Variants in SMAD4 observed in about 807,000 individuals in gnomAD.
SMAD4 encodes the protein MAD homolog 4.
In SMAD4, 7 loss-of-function variants were observed where a neutral mutation model predicts 63.2. That is an observed-to-expected ratio of 0.11 (90% CI 0.06 to 0.21). The LOEUF is 0.21. Among genes scored for constraint, SMAD4 ranks in the 10% least tolerant of loss-of-function variants. SMAD4 has a pLI of 1.00. For synonymous variants in SMAD4, 215 were observed against 235.4 expected (o/e 0.91, Z 0.79); for missense variants, 312 against 693.8 (o/e 0.45, Z 6.18).
intron 11 of SMAD4, 83 bp from the exon 12 acceptor site, chr18:51,078,172 TG>T: frequency 9.0e-7 from 1 of 1,115,838 alleles, no homozygotes; most frequent in Non-Finnish European, 1.4e-6. Context: ...TACAGAAAGC[TG>T]GTCACTTGAT....
At chr18:51,072,168 TAG>T (rs1910334157) in intron 10 of SMAD4, among the ~76,000 whole-genome samples, 1 of 152,240 alleles carries the variant, frequency 6.6e-6, no homozygotes, top group Non-Finnish European at 1.5e-5. Context: ...GAGAAACTGA[TAG>T]ACTGTTTTAC....
At position 51,079,895 on chromosome 18, in the gene SMAD4, CAGCTT is replaced by C. The variant is rs1910566852; in HGVS notation, c.*1429_*1433del. The C allele has an allele frequency of 4.3e-6, 1 of 231,804 alleles. No individual in the cohort carries two copies. Among genetic ancestry groups the C allele is most frequent in the South Asian group, 1.8e-4 (1 of 5,504 alleles). 14.4% of individuals were successfully genotyped at this position (231,804 alleles called of 1,614,324 possible). On this transcript the variant is annotated 3_prime_UTR_variant, in exon 12 of 12. Coordinates refer to ENST00000342988, the MANE Select transcript of SMAD4 (RefSeq NM_005359.6). ...ACAGGCAACAGCCAGTTCTATTGGG[CAGCTT>C]TGTTTTTTTCCCTCACACTCTACCG... is the stretch of plus-strand genomic sequence containing the variant.
intron 10 of SMAD4, among the ~76,000 whole-genome samples, chr18:51,067,757 G>A (rs1910204197): frequency 6.6e-6 from 1 of 152,258 alleles, no homozygotes; most frequent in South Asian, 2.1e-4. Flanking sequence ...AAAATACTGA[G>A]TGAAGCCTCC....
At chr18:51,041,662 G>A (rs185244401) in intron 1 of SMAD4, among the ~76,000 whole-genome samples, 1 of 152,188 alleles carries the variant, frequency 6.6e-6, no homozygotes, top group Non-Finnish European at 1.5e-5. Context: ...ATGAGCAGAA[G>A]TGGTAGCCTT....
Position 51,078,247 on chromosome 18 carries a change from T to C in SMAD4, c.1448-9T>C, listed in dbSNP as rs770799201. On this transcript the variant is annotated splice_polypyrimidine_tract_variant and intron_variant, in intron 11 of 11. Transcript: ENST00000342988. ...GTCCCTCTGATGTCTTCCAAATCTT[T>C]TCTGTTAGGTCTGTCAGCTGCTGCT... 6.2e-7 allele frequency: 1 copy of C among 1,610,126 alleles called. No individual in the cohort carries two copies. The highest frequency in any genetic ancestry group is 2.2e-5 in the East Asian group (1 of 44,884).
At chr18:51,037,548 C>G (rs1433806451) in intron 1 of SMAD4, among the ~76,000 whole-genome samples, 1 of 152,146 alleles carries the variant, frequency 6.6e-6, no homozygotes, top group African/African-American at 2.4e-5. Context: ...TTAATAATCC[C>G]CTTGCTGCAG....
intron 1 of SMAD4, among the ~76,000 whole-genome samples, chr18:51,031,723 A>C (rs1286153598): frequency 1.3e-5 from 2 of 150,942 alleles, no homozygotes; most frequent in East Asian, 3.8e-4. Flanking sequence ...TTGCTGGCAA[A>C]AACCATTTAG....
intron 4 of SMAD4, chr18:51,052,784 C>T (rs1909744041): frequency 5.3e-6 from 1 of 189,440 alleles, no homozygotes; most frequent in Non-Finnish European, 1.1e-5. Context: ...GCAAAAAATA[C>T]ATACCTCCTT....
chr18:51,055,201 A>T (rs957935391), intron 5 of SMAD4, among the ~76,000 whole-genome samples: 1 of 152,180 alleles, frequency 6.6e-6, no homozygotes, highest in Non-Finnish European at 1.5e-5. Context: ...TAAATTAATG[A>T]TCTGATTTAT....
In SMAD4 at chr18:51,080,155, C is replaced by T. The variant is rs1458640731; in HGVS notation, c.*1688C>T. ...TGTGTGATGATAGTCCTCCTTATAT[C>T]ACCTGGAATGAACACAGCTTCTACT... is the stretch of plus-strand genomic sequence containing the variant. On this transcript the variant is annotated 3_prime_UTR_variant, in exon 12 of 12. Transcript: ENST00000342988. 2 of 232,428 alleles carry T rather than the reference C, an allele frequency of 8.6e-6. No individual in the cohort carries two copies. Among genetic ancestry groups the T allele is most frequent in the East Asian group, 6.1e-5 (1 of 16,426 alleles). The allele number at this position is 232,428 out of a possible 1,614,324, so 14.4% of individuals were successfully genotyped here.
In SMAD4 at chr18:51,030,488, AGGGGCGGCCTGGCCGGGACGCCTC is replaced by A. The variant is rs979922364; in HGVS notation, c.-255_-232del. ...CGCGGGCAGCGGCGCGGCGCTGAGG[AGGGGCGGCCTGGCCGGGACGCCTC>A]GGGGCGGGGGCCGAGGAGCTCTCCG... On this transcript the variant is annotated 5_prime_UTR_variant, in exon 1 of 12. Coordinates refer to ENST00000342988, the MANE Select transcript of SMAD4 (RefSeq NM_005359.6). The A allele has an allele frequency of 2.7e-5, 4 of 149,256 alleles. No homozygotes were observed. The highest frequency in any genetic ancestry group is 4.5e-5 in the Non-Finnish European group (3 of 67,168). 9.2% of individuals were successfully genotyped at this position (149,256 alleles called of 1,614,324 possible).
Position 51,082,129 on chromosome 18 carries a change from C to T in SMAD4, c.*3662C>T, listed in dbSNP as rs114852346. Reference sequence around the variant, plus strand: ...TTGGGAAAATGGCAAATTTAGGTTACGGAGGTAAATGAGTATATGAAAGCA... The same window carrying T: ...TTGGGAAAATGGCAAATTTAGGTTATGGAGGTAAATGAGTATATGAAAGCA... On this transcript the variant is annotated 3_prime_UTR_variant, in exon 12 of 12. Transcript: ENST00000342988. 782 of 229,506 alleles carry T rather than the reference C, an allele frequency of 3.4e-3. 2 individuals carry two copies. Among genetic ancestry groups the T allele is most frequent in the African/African-American group, 0.016 (735 of 45,192 alleles). The allele number at this position is 229,506 out of a possible 1,614,324, so 14.2% of individuals were successfully genotyped here.
chr18:51,036,730 CAG>C (rs1252594199), intron 1 of SMAD4, among the ~76,000 whole-genome samples: 1 of 152,140 alleles, frequency 6.6e-6, no homozygotes, highest in East Asian at 1.9e-4. Context: ...CTCAGACTTC[CAG>C]AGTGTTTTTT....
At chr18:51,064,173 T>C (rs879389961) in intron 8 of SMAD4, among the ~76,000 whole-genome samples, 1 of 152,216 alleles carries the variant, frequency 6.6e-6, no homozygotes, top group Non-Finnish European at 1.5e-5. Context: ...AAACAGCTTA[T>C]TGAGATACAG....
intron 1 of SMAD4, among the ~76,000 whole-genome samples, chr18:51,031,682 C>A (rs943897021): frequency 6.6e-6 from 1 of 151,334 alleles, no homozygotes; most frequent in African/African-American, 2.4e-5. Flanking sequence ...CTTGGTTACT[C>A]GGGTGTTTTA....
chr18:51,065,797 T>A (rs1425934144), intron 9 of SMAD4, among the ~76,000 whole-genome samples, 191 bp downstream of exon 9: 1 of 152,232 alleles, frequency 6.6e-6, no homozygotes, highest in African/African-American at 2.4e-5. Context: ...GTTTAACATA[T>A]AATGATAAAA....
At position 51,030,603 on chromosome 18, in the gene SMAD4, C is replaced by G. The variant is rs896378489; in HGVS notation, c.-148C>G. 6.6e-6 allele frequency: 1 copy of G among 150,690 alleles called. No individual in the cohort carries two copies. The highest frequency in any genetic ancestry group is 1.5e-5 in the Non-Finnish European group (1 of 67,550). The allele number at this position is 150,690 out of a possible 1,614,324, so 9.3% of individuals were successfully genotyped here. A position where few individuals can be genotyped will look rare whatever the true frequency, so the allele number is the denominator to read the frequency against. On this transcript the variant is annotated 5_prime_UTR_variant, in exon 1 of 12. Transcript: ENST00000342988. ...CAGCAGCGCGGGAGAGCGGACTCCC[C>G]TCGCCACCGCCCGAGCCCAGGTAAC...
At chr18:51,033,904 G>A (rs1909123977) in intron 1 of SMAD4, among the ~76,000 whole-genome samples, 2 of 152,178 alleles carry the variant, frequency 1.3e-5, no homozygotes, top group East Asian at 1.9e-4. Flanking sequence ...GTAGGTAGTC[G>A]GATTCTTACA....
At chr18:51,031,485 C>T (rs1028790522) in intron 1 of SMAD4, among the ~76,000 whole-genome samples, 1 of 152,128 alleles carries the variant, frequency 6.6e-6, no homozygotes, top group Non-Finnish European at 1.5e-5. Context: ...CAATTAGTTT[C>T]TTAATGCATT....
Sources: allele counts gnomAD v4.1 joint callset (sites outside exome capture counted in the v4.1 genomes callset), GRCh38; gene constraint gnomAD v4.1.1; transcripts MANE v1.5; gene names NCBI Gene and HGNC (gene_info 2026-07-23, HGNC 2026-07-21).